The following ARMC1 variants were observed in gnomAD, a reference collection of about 807,000 sequenced individuals.
ARMC1 encodes the protein armadillo repeat-containing protein 1.
In ARMC1, 16 loss-of-function variants were observed where a neutral mutation model predicts 31.4. The ratio of observed to expected loss-of-function variants is 0.51; its 90% CI spans 0.34 to 0.77. The LOEUF (loss-of-function observed/expected upper bound fraction) is 0.77, where lower values mean the gene tolerates loss of function less well. Ranked by LOEUF, ARMC1 falls within the 30% of genes least tolerant of loss-of-function variation. The pLI is 0.01. For synonymous variants in ARMC1, 114 were observed against 118.9 expected (o/e 0.96, Z 0.27); for missense variants, 259 against 347.5 (o/e 0.75, Z 2.02).
intron 2 of ARMC1, among the ~76,000 whole-genome samples, chr8:65,626,926 G>T (rs1808523081): frequency 6.6e-6 from 1 of 151,884 alleles, no homozygotes; most frequent in South Asian, 2.1e-4. Context: ...GAGGTCGGGG[G>T]GATGGTTTAA....
At chr8:65,620,195 T>A (rs1391724221) in intron 3 of ARMC1, among the ~76,000 whole-genome samples, 5 of 150,936 alleles carry the variant, frequency 3.3e-5, no homozygotes, top group Non-Finnish European at 7.4e-5. Context: ...TCTGAGATGA[T>A]GGAAATAGTG....
intron 2 of ARMC1, among the ~76,000 whole-genome samples, chr8:65,624,424 G>A (rs535698612): frequency 3.4e-5 from 5 of 145,062 alleles, no homozygotes; most frequent in South Asian, 2.3e-4. Context: ...ATTTGAACCC[G>A]GGAGGCAGAG....
chr8:65,625,019 G>A (rs1378196575), intron 2 of ARMC1, among the ~76,000 whole-genome samples: 3 of 152,194 alleles, frequency 2.0e-5, no homozygotes, highest in East Asian at 3.8e-4. Context: ...TACTCAGAAG[G>A]CTGAGGCAGG....
At chr8:65,631,427 T>C (rs2129044681) in intron 1 of ARMC1, among the ~76,000 whole-genome samples, 1 of 152,254 alleles carries the variant, frequency 6.6e-6, no homozygotes, top group Admixed American at 6.5e-5. Context: ...AGAGACGGGG[T>C]TTCGCCGTGT....
intron 4 of ARMC1, among the ~76,000 whole-genome samples, chr8:65,612,948 T>G (rs548851346): frequency 1.5e-3 from 224 of 152,322 alleles, no homozygotes; most frequent in African/African-American, 5.3e-3. Flanking sequence ...ATATCCTTAC[T>G]GATTTTCTGT....
In ARMC1 at chr8:65,623,786, C is replaced by CTTTTTTTTTT. The variant is rs201008780; in HGVS notation, c.184-1442_184-1433dup. Among the ~76,000 whole-genome samples, 108 of 26,066 alleles carry CTTTTTTTTTT rather than the reference C, an allele frequency of 4.1e-3. 15 individuals are homozygous for CTTTTTTTTTT. The highest frequency in any genetic ancestry group is 4.6e-3 in the Non-Finnish European group (70 of 15,340). The allele number at this position is 26,066 out of a possible 152,430, so 17.1% of individuals were successfully genotyped here. On this transcript the variant is annotated intron_variant, in intron 2 of 6. Coordinates refer to ENST00000276569, the MANE Select transcript of ARMC1 (RefSeq NM_018120.6). ...ATGCCAGAAGACAACAAAGTAAAAT[C>CTTTTTTTTTT]TTTTTTTTTTTTTTTTTTTTTTTTT...
intron 1 of ARMC1, among the ~76,000 whole-genome samples, chr8:65,632,084 G>A (rs753235417): frequency 2.6e-5 from 4 of 152,204 alleles, no homozygotes; most frequent in Non-Finnish European, 5.9e-5. Flanking sequence ...TTATGCTGCT[G>A]TATAAATGCA....
intron 1 of ARMC1, among the ~76,000 whole-genome samples, chr8:65,628,751 G>A (rs1489045194): frequency 1.3e-5 from 2 of 151,566 alleles, no homozygotes; most frequent in Non-Finnish European, 2.9e-5. Context: ...TAGCTACTCG[G>A]GAGGCTGAGG....
chr8:65,624,272 G>A (rs1808464995), intron 2 of ARMC1, among the ~76,000 whole-genome samples: 1 of 151,504 alleles, frequency 6.6e-6, no homozygotes, highest in Non-Finnish European at 1.5e-5. Context: ...GCTGAGGGGG[G>A]CAGATCACCT....
intron 3 of ARMC1, 55 bp downstream of exon 3, chr8:65,622,204 TGTAA>T (rs1808407798): frequency 6.5e-6 from 9 of 1,391,838 alleles, no homozygotes; most frequent in South Asian, 6.0e-5. Context: ...AGTGAGGCCC[TGTAA>T]GTAAGTAATA....
At position 65,627,216 on chromosome 8, in the gene ARMC1, A is replaced by G; in HGVS notation, c.183T>C (p.Leu61=). ...PNPPVVHSAL[L]ALRYLAECRA... ...ATTGAAATTACTAAAGGCAACTTACAAGCAAAGCGGAGTGGACGACTGGAG... is the reference window on the plus strand; with the variant it reads ...ATTGAAATTACTAAAGGCAACTTACGAGCAAAGCGGAGTGGACGACTGGAG... Residue 61 remains leucine (L), a splice_region_variant and synonymous_variant, in exon 2 of 7, where the codon CTT becomes CTC. Transcript: ENST00000276569. 3 of 1,543,938 alleles carry G rather than the reference A, an allele frequency of 1.9e-6. No individual in the cohort carries two copies. The highest frequency in any genetic ancestry group is 2.6e-6 in the Non-Finnish European group (3 of 1,142,332).
intron 4 of ARMC1, among the ~76,000 whole-genome samples, chr8:65,613,000 G>T (rs558317084): frequency 6.6e-6 from 1 of 152,226 alleles, no homozygotes; most frequent in East Asian, 1.9e-4. Context: ...ATCTCTAACT[G>T]TGGATTTTTC....
intron 2 of ARMC1, among the ~76,000 whole-genome samples, chr8:65,624,652 ATACTC>A (rs1808476871): frequency 6.6e-6 from 1 of 152,196 alleles, no homozygotes; most frequent in Non-Finnish European, 1.5e-5. Context: ...AAATGGAAAT[ATACTC>A]TTGTGTGATT....
At chr8:65,615,567 C>T (rs1335561419) in intron 3 of ARMC1, among the ~76,000 whole-genome samples, 1 of 152,028 alleles carries the variant, frequency 6.6e-6, no homozygotes, top group East Asian at 1.9e-4. Context: ...ACTAGCTGGG[C>T]GTGGTGGCAG....
intron 1 of ARMC1, 89 bp from the exon 2 acceptor site, chr8:65,627,522 A>G: frequency 1.5e-6 from 1 of 661,512 alleles, no homozygotes; most frequent in Non-Finnish European, 2.2e-6. Context: ...ACCTTTAGAA[A>G]GAATCAGGTA....
Position 65,604,364 on chromosome 8 carries a change from T to C in ARMC1, c.*30A>G. On this transcript the variant is annotated 3_prime_UTR_variant, in exon 7 of 7. Transcript: ENST00000276569. ...CAATGGAAAACTGGCCCCTTGTTGG[T>C]TCACACAGTCCTTGAGCCCAAAAGT... is the stretch of plus-strand genomic sequence containing the variant. 1 of 1,595,744 alleles carries C rather than the reference T, an allele frequency of 6.3e-7. No homozygotes were observed. The highest frequency in any genetic ancestry group is 8.6e-7 in the Non-Finnish European group (1 of 1,168,842).
chr8:65,627,483 A>T (rs953653018), intron 1 of ARMC1, 50 bp from the exon 2 acceptor site: 1 of 1,069,866 alleles, frequency 9.3e-7, no homozygotes, highest in Non-Finnish European at 1.3e-6. Context: ...GGTATATTAT[A>T]GCACTTGTGA....
intron 1 of ARMC1, among the ~76,000 whole-genome samples, chr8:65,629,984 A>G (rs1213769613): frequency 6.6e-6 from 1 of 151,932 alleles, no homozygotes; most frequent in Admixed American, 6.6e-5. Context: ...ATCTCTACTA[A>G]AAATACAAAA....
intron 1 of ARMC1, among the ~76,000 whole-genome samples, chr8:65,627,685 C>T (rs1264581420): frequency 6.6e-6 from 1 of 152,204 alleles, no homozygotes; most frequent in Non-Finnish European, 1.5e-5. Flanking sequence ...TTTTAGCACA[C>T]ATATTTTAAC....
Sources: gnomAD v4.1 joint callset for allele counts (sites outside exome capture counted in the v4.1 genomes callset) on GRCh38, gnomAD v4.1.1 for gene constraint, MANE v1.5 for transcripts, NCBI Gene and HGNC (gene_info 2026-07-23, HGNC 2026-07-21) for gene names.